PRKAR1B: variants seen among roughly 807,000 people sequenced by gnomAD.
The protein encoded by PRKAR1B is protein kinase cAMP-dependent type I regulatory subunit beta.
A neutral mutation model predicts 46.5 loss-of-function variants in PRKAR1B; 22 were observed. The ratio of observed to expected loss-of-function variants is 0.47; its 90% CI spans 0.34 to 0.68. The LOEUF (loss-of-function observed/expected upper bound fraction) is 0.68. Ranked by LOEUF, PRKAR1B falls within the 30% of genes least tolerant of loss-of-function variation. PRKAR1B has a pLI of 0.01. For missense variants in PRKAR1B, 445 were observed against 535.6 expected, an observed-to-expected ratio of 0.83 and a Z score of 1.67; for synonymous variants, 259 against 217.7, an observed-to-expected ratio of 1.19 and a Z score of -1.67.
chr7:606,800 T>C (rs1330046098), intron 5 of PRKAR1B, among the ~76,000 whole-genome samples: 4 of 141,056 alleles, frequency 2.8e-5, no homozygotes, highest in Admixed American at 7.0e-5. Context: ...GTGTGTATAA[T>C]TTTATATTAC....
chr7:647,377 C>T (rs1784668405), intron 4 of PRKAR1B, among the ~76,000 whole-genome samples: 1 of 152,132 alleles, frequency 6.6e-6, no homozygotes, highest in South Asian at 2.1e-4. Flanking sequence ...TCCTGCTGCC[C>T]CGTAGCCTCC....
chr7:682,110 G>A (rs1428910868), intron 2 of PRKAR1B, among the ~76,000 whole-genome samples: 1 of 152,086 alleles, frequency 6.6e-6, no homozygotes, highest in African/African-American at 2.4e-5. Context: ...AATCAGCAGG[G>A]CCAGGCAGCC....
At chr7:604,824 G>A (rs1368126337) in intron 6 of PRKAR1B, among the ~76,000 whole-genome samples, 1 of 152,106 alleles carries the variant, frequency 6.6e-6, no homozygotes, top group Admixed American at 6.5e-5. Flanking sequence ...GGAAGAGTGC[G>A]GAGGCCACCT....
rs747313329 is a variant in PRKAR1B at position 607,373 on chromosome 7, G to A, written c.502+18C>T. The A allele has an allele frequency of 1.2e-6, 2 of 1,610,358 alleles. No homozygotes were observed. The highest frequency in any genetic ancestry group is 1.7e-6 in the Non-Finnish European group (2 of 1,177,086). The stretch of plus-strand genomic sequence containing the variant: ...TTTCCCCTCTGGACTTTGGCTCCGA[G>A]GAGCAGGCAGAACGTACCTTGCTGT... On this transcript the variant is annotated intron_variant, in intron 5 of 10. Transcript: ENST00000537384.
At chr7:723,750 G>GC (rs954615393) in intron 1 of PRKAR1B, among the ~76,000 whole-genome samples, 3 of 152,056 alleles carry the variant, frequency 2.0e-5, no homozygotes, top group Non-Finnish European at 4.4e-5. Context: ...TAGGACAGAG[G>GC]CCCCCATGGC....
intron 4 of PRKAR1B, among the ~76,000 whole-genome samples, chr7:625,637 G>A (rs755745400): frequency 1.3e-5 from 2 of 152,012 alleles, no homozygotes; most frequent in African/African-American, 4.8e-5. Flanking sequence ...ATGGACAAGG[G>A]GCATCACTAC....
chr7:726,258 G>A (rs914340629), intron 1 of PRKAR1B, among the ~76,000 whole-genome samples: 2 of 152,210 alleles, frequency 1.3e-5, no homozygotes, highest in Admixed American at 6.5e-5. Flanking sequence ...TTACACCACA[G>A]GGGGATCCAG....
intron 4 of PRKAR1B, among the ~76,000 whole-genome samples, chr7:650,676 C>T (rs1784859134): frequency 6.6e-6 from 1 of 152,262 alleles, no homozygotes; most frequent in Admixed American, 6.5e-5. Context: ...CCCTTTTCTG[C>T]CTTTGACTGC....
At chr7:552,700 C>T (rs1439639874) in intron 9 of PRKAR1B, among the ~76,000 whole-genome samples, 9 of 152,230 alleles carry the variant, frequency 5.9e-5, no homozygotes, top group South Asian at 4.1e-4. Context: ...TTTGCCGAGG[C>T]GAGCGGAGGA....
At chr7:688,095 CAAA>C (rs762256783) in intron 2 of PRKAR1B, among the ~76,000 whole-genome samples, 11 of 34,048 alleles carry the variant, frequency 3.2e-4, no homozygotes, top group Non-Finnish European at 5.3e-4. Flanking sequence ...CACTCCACCT[CAAA>C]AAAAAAAAAA....
At chr7:576,468 G>A (rs1022059784) in intron 9 of PRKAR1B, among the ~76,000 whole-genome samples, 34 of 152,152 alleles carry the variant, frequency 2.2e-4, no homozygotes, top group Non-Finnish European at 4.4e-4. Context: ...GTGAATGTCC[G>A]TGCAGCCTGC....
intron 1 of PRKAR1B, among the ~76,000 whole-genome samples, chr7:726,300 C>T (rs868797943): frequency 9.8e-5 from 15 of 152,330 alleles, no homozygotes; most frequent in Admixed American, 3.3e-4. Context: ...CCTCCTGGAA[C>T]GGACCTTCCC....
At chr7:594,629 C>T (rs992968434) in intron 7 of PRKAR1B, among the ~76,000 whole-genome samples, 3 of 152,134 alleles carry the variant, frequency 2.0e-5, no homozygotes, top group African/African-American at 7.2e-5. Flanking sequence ...AAGGGGACAC[C>T]TCCAAACTAT....
intron 1 of PRKAR1B, chr7:726,787 G>A: frequency 1.6e-6 from 2 of 1,281,778 alleles, no homozygotes; most frequent in Non-Finnish European, 9.8e-7. Context: ...CGAGACGGCT[G>A]AGGCGGTGGA....
intron 1 of PRKAR1B, among the ~76,000 whole-genome samples, chr7:722,718 T>C (rs1320949169): frequency 2.0e-5 from 3 of 152,254 alleles, no homozygotes; most frequent in African/African-American, 4.8e-5. Flanking sequence ...GATTCCAACA[T>C]GTGACCTATC....
Position 632,073 on chromosome 7 carries a change from G to A in PRKAR1B, c.441-24621C>T, listed in dbSNP as rs1412283575. ...GCTGTGTGTAGCCCCCAGGAAGACC[G>A]AGCTCACGTGTGAGCCAGCGTCTCC... On this transcript the variant is annotated intron_variant, in intron 4 of 10. Transcript: ENST00000537384. 4.6e-5 allele frequency among the ~76,000 whole-genome samples: 7 copies of A among 152,114 alleles called. No individual in the cohort carries two copies. In the East Asian group the frequency reaches 9.6e-4, roughly 21 times the overall value.
intron 4 of PRKAR1B, among the ~76,000 whole-genome samples, chr7:655,526 C>G (rs894014999): frequency 1.3e-5 from 2 of 152,232 alleles, no homozygotes; most frequent in African/African-American, 4.8e-5. Flanking sequence ...CCATCCCCTG[C>G]ATCATCTTGT....
intron 9 of PRKAR1B, among the ~76,000 whole-genome samples, chr7:561,339 G>A (rs1480501746): frequency 6.6e-6 from 1 of 152,160 alleles, no homozygotes; most frequent in Non-Finnish European, 1.5e-5. Flanking sequence ...ACTCCCAGGT[G>A]CTCTGTGATT....
intron 4 of PRKAR1B, among the ~76,000 whole-genome samples, chr7:659,939 C>T (rs1785417117): frequency 6.6e-6 from 1 of 152,068 alleles, no homozygotes; most frequent in South Asian, 2.1e-4. Flanking sequence ...GGAGGAGCTG[C>T]CCCCAGTCCT....
Sources: gnomAD v4.1 joint callset for allele counts (sites outside exome capture counted in the v4.1 genomes callset) on GRCh38, gnomAD v4.1.1 for gene constraint, MANE v1.5 for transcripts, NCBI Gene and HGNC (gene_info 2026-07-23, HGNC 2026-07-21) for gene names.